The following ITGA11 variants were observed in gnomAD, a reference collection of about 807,000 sequenced individuals.
The protein encoded by ITGA11 is integrin alpha-11.
In ITGA11, 97 loss-of-function variants were observed where a neutral mutation model predicts 141.9. The observed-to-expected ratio is 0.68, with a 90% CI of 0.58 to 0.81. ITGA11 has a LOEUF of 0.81. ITGA11 is among the 30% of genes least tolerant of loss of function. The probability of loss-of-function intolerance (pLI) is 0.00; values close to 1 mark genes in which losing one functional copy is unlikely to be tolerated. For missense variants in ITGA11, 1,387 were observed against 1,559.2 expected (o/e 0.89, Z 1.86); for synonymous variants, 658 against 624.6 (o/e 1.05, Z -0.80).
intron 9 of ITGA11, among the ~76,000 whole-genome samples, chr15:68,349,301 C>G (rs1019611782): frequency 6.6e-6 from 1 of 152,252 alleles, no homozygotes; most frequent in Non-Finnish European, 1.5e-5. Context: ...CTTTTATTCA[C>G]TAGCTTTGGT....
At chr15:68,312,997 G>C in intron 23 of ITGA11, 134 bp from the exon 24 acceptor site, 1 of 629,924 alleles carries the variant, frequency 1.6e-6, no homozygotes, top group South Asian at 1.8e-5. Context: ...GTGTCGGCTG[G>C]GAGTGAGTGT....
rs74351283 is a variant in ITGA11 at position 68,333,450 on chromosome 15, G to C, written c.1426-972C>G. Among the ~76,000 whole-genome samples, 114 of 152,280 alleles carry C rather than the reference G, an allele frequency of 7.5e-4. 1 individual carries two copies. The East Asian group carries it at 0.021, about 28-fold the overall frequency. The stretch of plus-strand genomic sequence containing the variant: ...ATTAGCATCGTGGATGGTGAATTAT[G>C]ATTTCTTTCAGTGTCTGAGCACTTG... On this transcript the variant is annotated intron_variant, in intron 12 of 29. Coordinates refer to ENST00000315757, the MANE Select transcript of ITGA11 (RefSeq NM_001004439.2). This position sits in a 1 kb window ranked among gnomAD's most constrained non-coding sequence, Gnocchi z 4.2.
rs1893907482 is a variant in ITGA11 at position 68,324,427 on chromosome 15, C to T, written c.2322+704G>A. Among the ~76,000 whole-genome samples, 1 of 152,166 alleles carries T rather than the reference C, an allele frequency of 6.6e-6. No individual in the cohort carries two copies. The highest frequency in any genetic ancestry group is 1.5e-5 in the Non-Finnish European group (1 of 68,030). ...CGTGGTGTGCTTAAAAGTTGTTTCC[C>T]AAATCCTCAAGGTTCAGGCATTAGC... On this transcript the variant is annotated intron_variant, in intron 18 of 29. Coordinates refer to ENST00000315757, the MANE Select transcript of ITGA11 (RefSeq NM_001004439.2). This position sits in a 1 kb window ranked among gnomAD's most constrained non-coding sequence, Gnocchi z 6.3.
intron 7 of ITGA11, among the ~76,000 whole-genome samples, chr15:68,352,921 C>G (rs1320102826): frequency 6.6e-6 from 1 of 152,176 alleles, no homozygotes; most frequent in Non-Finnish European, 1.5e-5. Flanking sequence ...CTCCTTTAGA[C>G]CATGAGGTTC....
chr15:68,393,347 TAA>T (rs1452127522), intron 2 of ITGA11, among the ~76,000 whole-genome samples: 4 of 152,160 alleles, frequency 2.6e-5, no homozygotes, highest in Non-Finnish European at 4.4e-5. Context: ...TTTCCAAATC[TAA>T]TTAAAAGTAT....
chr15:68,431,442 GC>G (rs886542418), intron 1 of ITGA11, among the ~76,000 whole-genome samples: 3 of 152,248 alleles, frequency 2.0e-5, no homozygotes, highest in African/African-American at 7.2e-5. Flanking sequence ...ACGAGAGCTA[GC>G]CCCCGCCTAC....
At chr15:68,361,127 G>A (rs1297523534) in intron 5 of ITGA11, among the ~76,000 whole-genome samples, 1 of 152,150 alleles carries the variant, frequency 6.6e-6, no homozygotes, top group East Asian at 1.9e-4. Flanking sequence ...CTGTCCAGGA[G>A]CACTGATTTG....
chr15:68,363,892 C>T (rs917332122), intron 4 of ITGA11, among the ~76,000 whole-genome samples: 1 of 152,208 alleles, frequency 6.6e-6, no homozygotes, highest in Non-Finnish European at 1.5e-5. Context: ...GACCTGTAAG[C>T]AGAGCCTGCT....
At chr15:68,315,523 A>G in intron 22 of ITGA11, 128 bp downstream of exon 22, 1 of 811,404 alleles carries the variant, frequency 1.2e-6, no homozygotes, top group Non-Finnish European at 2.1e-6. Flanking sequence ...CCTCCACTCA[A>G]GGTTGGGGCA....
chr15:68,376,123 G>A (rs1015387090), intron 2 of ITGA11, among the ~76,000 whole-genome samples: 1 of 152,170 alleles, frequency 6.6e-6, no homozygotes, highest in Non-Finnish European at 1.5e-5. Context: ...GGGAAACAGA[G>A]GCATGGCGAC....
intron 1 of ITGA11, among the ~76,000 whole-genome samples, chr15:68,424,510 T>C (rs1475603084): frequency 6.6e-6 from 1 of 152,110 alleles, no homozygotes; most frequent in Non-Finnish European, 1.5e-5. Flanking sequence ...AGAGTGATGA[T>C]GTGTTCTGGG....
intron 1 of ITGA11, among the ~76,000 whole-genome samples, chr15:68,415,084 G>A (rs7403417): frequency 0.87 from 133,027 of 152,178 alleles, 58,998 homozygotes; most frequent in Non-Finnish European, 0.94. Context: ...TTACTTCTCT[G>A]CCAAATGACT....
At chr15:68,416,110 G>A (rs900017283) in intron 1 of ITGA11, among the ~76,000 whole-genome samples, 1 of 152,146 alleles carries the variant, frequency 6.6e-6, no homozygotes, top group African/African-American at 2.4e-5. Flanking sequence ...CAAAAGCCTT[G>A]CCTGTTATCT....
At chr15:68,353,334 A>T (rs1265210150) in intron 7 of ITGA11, among the ~76,000 whole-genome samples, 1 of 152,170 alleles carries the variant, frequency 6.6e-6, no homozygotes, top group African/African-American at 2.4e-5. Flanking sequence ...GTGGACTGAA[A>T]CCTGCAGAGG....
At chr15:68,348,031 G>A (rs1484499954) in intron 10 of ITGA11, among the ~76,000 whole-genome samples, 1 of 152,170 alleles carries the variant, frequency 6.6e-6, no homozygotes, top group Non-Finnish European at 1.5e-5. Context: ...CAGTCGGTAC[G>A]TTTTCCCACA....
chr15:68,326,512 A>G lies in ITGA11; in HGVS notation c.2211+142T>C. On this transcript the variant is annotated intron_variant, in intron 17 of 29. Transcript: ENST00000315757. This position sits in a 1 kb window ranked among gnomAD's most constrained non-coding sequence, Gnocchi z 6.8. ...CATGAGGTGGGAATGTGGAGTGGCC[A>G]AGGTCAGGGTACACTGTCCCTGGCT... 1.2e-6 allele frequency: 1 copy of G among 834,364 alleles called. No homozygotes were observed. Among genetic ancestry groups the G allele is most frequent in the Non-Finnish European group, 1.8e-6 (1 of 554,964 alleles). 51.7% of individuals were successfully genotyped at this position (834,364 alleles called of 1,614,324 possible).
At position 68,333,987 on chromosome 15, in the gene ITGA11, C is replaced by T. The variant is rs1894264472; in HGVS notation, c.1426-1509G>A. On this transcript the variant is annotated intron_variant, in intron 12 of 29. Coordinates refer to ENST00000315757, the MANE Select transcript of ITGA11 (RefSeq NM_001004439.2). The surrounding 1 kb of genome is among the most constrained non-coding windows in gnomAD (Gnocchi z 4.2). ...TGCGTCCTCCCCAGACCATCCCCTG[C>T]CATCCCTCAAGTCTCAGCTGATGTG... Among the ~76,000 whole-genome samples the T allele has an allele frequency of 6.6e-6, 1 of 152,232 alleles. No homozygotes were observed. The highest frequency in any genetic ancestry group is 1.5e-5 in the Non-Finnish European group (1 of 68,042).
At chr15:68,387,624 T>C (rs1896017970) in intron 2 of ITGA11, among the ~76,000 whole-genome samples, 1 of 152,176 alleles carries the variant, frequency 6.6e-6, no homozygotes, top group Admixed American at 6.5e-5. Flanking sequence ...GGAGATTTTC[T>C]GTGTGTGTTA....
chr15:68,412,667 G>A (rs893936470), intron 1 of ITGA11, among the ~76,000 whole-genome samples: 1 of 120,374 alleles, frequency 8.3e-6, no homozygotes, highest in Non-Finnish European at 1.7e-5. Context: ...GAACTTATTC[G>A]CTTTTTTTTT....
Sources: gnomAD v4.1 joint callset for allele counts (sites outside exome capture counted in the v4.1 genomes callset) on GRCh38, gnomAD v4.1.1 for gene constraint, Gnocchi (gnomAD v3.1) non-coding constraint, MANE v1.5 for transcripts, NCBI Gene and HGNC (gene_info 2026-07-23, HGNC 2026-07-21) for gene names.